TMEM167A: variants seen among roughly 807,000 people sequenced by gnomAD.
TMEM167A encodes the protein transmembrane protein 167A.
A neutral mutation model predicts 11.6 loss-of-function variants in TMEM167A; 8 were observed. The ratio of observed to expected loss-of-function variants is 0.69; its 90% CI spans 0.40 to 1.24. The LOEUF (loss-of-function observed/expected upper bound fraction) is 1.24. Ranked by LOEUF, TMEM167A falls within the 50% of genes most tolerant of loss-of-function variation. The pLI is 0.01. For missense variants in TMEM167A, 62 were observed against 87.0 expected (o/e 0.71, Z 1.14); for synonymous variants, 22 against 28.0 (o/e 0.79, Z 0.67).
At position 83,054,035 on chromosome 5, in the gene TMEM167A, C is replaced by A. The variant is rs1415940659; in HGVS notation, c.*3049G>T. ...GCTAACTCTTTTTCACAAAACCAGG[C>A]AGAGATCTGCTCATTTTTACTCTGT... On this transcript the variant is annotated 3_prime_UTR_variant, in exon 4 of 4. Coordinates refer to ENST00000502346, the MANE Select transcript of TMEM167A (RefSeq NM_174909.5). 69 of 152,096 alleles carry A rather than the reference C, an allele frequency of 4.5e-4. No homozygotes were observed. Among genetic ancestry groups the A allele is most frequent in the Non-Finnish European group, 1.0e-4 (7 of 67,922 alleles). The allele number at this position is 152,096 out of a possible 1,614,324, so 9.4% of individuals were successfully genotyped here.
intron 3 of TMEM167A, among the ~76,000 whole-genome samples, chr5:83,061,514 TC>T (rs376666762): frequency 6.6e-6 from 1 of 152,240 alleles, no homozygotes; most frequent in Non-Finnish European, 1.5e-5. Flanking sequence ...GTTCAAGAGA[TC>T]CTTCTGCCTC....
rs767592839 is a variant in TMEM167A, at chr5:83,073,630, G to C, written c.3+3691C>G. Among the ~76,000 whole-genome samples, 18 of 152,186 alleles carry C rather than the reference G, an allele frequency of 1.2e-4. 1 individual carries two copies. The highest frequency in any genetic ancestry group is 7.4e-5 in the Non-Finnish European group (5 of 68,026). On this transcript the variant is annotated intron_variant, in intron 1 of 3. Transcript: ENST00000502346. ...CATTCCAGTGCAGAGCACTCAAACT[G>C]GGAGAGTGTAGACACCTCAACAAAC...
At chr5:83,074,847 C>T (rs575438425) in intron 1 of TMEM167A, among the ~76,000 whole-genome samples, 10 of 152,094 alleles carry the variant, frequency 6.6e-5, no homozygotes, top group South Asian at 2.1e-4. Flanking sequence ...CTCGACACAC[C>T]GCAACCTCCA....
rs1400044417 is a variant in TMEM167A, at chr5:83,065,509, T to C, written c.4-392A>G. ...GGAGAAAGAAAGCAAGCACCTGTAC[T>C]TTCACTGTTGGATTTTTAAAAGTTA... On this transcript the variant is annotated intron_variant, in intron 1 of 3. Transcript: ENST00000502346. 3.9e-5 allele frequency among the ~76,000 whole-genome samples: 6 copies of C among 152,286 alleles called. No homozygotes were observed. The East Asian group carries it at 1.2e-3, about 29-fold the overall frequency.
At chr5:83,072,813 G>C (rs536714451) in intron 1 of TMEM167A, among the ~76,000 whole-genome samples, 1 of 152,134 alleles carries the variant, frequency 6.6e-6, no homozygotes, top group Non-Finnish European at 1.5e-5. Flanking sequence ...AGCTTTGCTA[G>C]AGAAGATCAG....
intron 1 of TMEM167A, among the ~76,000 whole-genome samples, 160 bp from the exon 2 acceptor site, chr5:83,065,277 T>G (rs887927845): frequency 6.6e-6 from 1 of 152,192 alleles, no homozygotes; most frequent in Non-Finnish European, 1.5e-5. Context: ...TGAGGTCTTC[T>G]ACAGTCTTCA....
At chr5:83,071,924 T>C (rs1744567963) in intron 1 of TMEM167A, among the ~76,000 whole-genome samples, 1 of 152,226 alleles carries the variant, frequency 6.6e-6, no homozygotes. Context: ...GTCAGTTTCA[T>C]TTCATTTGTA....
rs1196081623 is a variant in TMEM167A, at chr5:83,052,882, A to G, written c.*4202T>C. ...TCTTGACTTTTATTACACACTAGAC[A>G]TATATGAACTAATCAGAGATGTGCA... On this transcript the variant is annotated 3_prime_UTR_variant, in exon 4 of 4. Transcript: ENST00000502346. 1.3e-5 allele frequency: 2 copies of G among 151,950 alleles called. No homozygotes were observed. The highest frequency in any genetic ancestry group is 2.4e-5 in the African/African-American group (1 of 41,406). The allele number at this position is 151,950 out of a possible 1,614,324, so 9.4% of individuals were successfully genotyped here. A position where few individuals can be genotyped will look rare whatever the true frequency, so the allele number is the denominator to read the frequency against.
In TMEM167A at chr5:83,055,721, T is replaced by C. The variant is rs1248710052; in HGVS notation, c.*1363A>G. 1.3e-5 allele frequency: 2 copies of C among 151,988 alleles called. No individual in the cohort carries two copies. Among genetic ancestry groups the C allele is most frequent in the African/African-American group, 4.8e-5 (2 of 41,436 alleles). 9.4% of individuals were successfully genotyped at this position (151,988 alleles called of 1,614,324 possible). On this transcript the variant is annotated 3_prime_UTR_variant, in exon 4 of 4. Transcript: ENST00000502346. The stretch of plus-strand genomic sequence containing the variant: ...AGAATCCATTCCAAGTGGTTTAAAT[T>C]AGTCTAAAATAAAAATAGGTGGCTT...
chr5:83,055,238 G>A lies in TMEM167A; in HGVS notation c.*1846C>T, dbSNP rs1379897228. On this transcript the variant is annotated 3_prime_UTR_variant, in exon 4 of 4. Coordinates refer to ENST00000502346, the MANE Select transcript of TMEM167A (RefSeq NM_174909.5). ...TACCTCCTCTGAGATGCCAAATTAA[G>A]AAATGTCTTAGAATATCTAGAATAT... 1 of 151,898 alleles carries A rather than the reference G, an allele frequency of 6.6e-6. No individual in the cohort carries two copies. The highest frequency in any genetic ancestry group is 1.5e-5 in the Non-Finnish European group (1 of 67,934). 9.4% of individuals were successfully genotyped at this position (151,898 alleles called of 1,614,324 possible).
At chr5:83,073,629 T>C (rs1744595663) in intron 1 of TMEM167A, among the ~76,000 whole-genome samples, 1 of 152,210 alleles carries the variant, frequency 6.6e-6, no homozygotes, top group Admixed American at 6.5e-5. Flanking sequence ...GCACTCAAAC[T>C]GGGAGAGTGT....
At chr5:83,063,703 GCA>G (rs112611185) in intron 2 of TMEM167A, among the ~76,000 whole-genome samples, 12 of 149,584 alleles carry the variant, frequency 8.0e-5, no homozygotes, top group South Asian at 2.1e-4. Context: ...ACTTACACAT[GCA>G]CACACACACA....
intron 1 of TMEM167A, among the ~76,000 whole-genome samples, chr5:83,075,856 C>G (rs951581281): frequency 1.3e-5 from 2 of 152,152 alleles, no homozygotes; most frequent in African/African-American, 4.8e-5. Context: ...TACTGAGACA[C>G]TAATCCATTT....
intron 3 of TMEM167A, among the ~76,000 whole-genome samples, chr5:83,059,158 A>G (rs1744372365): frequency 6.8e-6 from 1 of 147,186 alleles, no homozygotes; most frequent in Non-Finnish European, 1.5e-5. Flanking sequence ...GAAATAATAA[A>G]TAACAAGCAA....
chr5:83,070,644 G>T (rs1193247183), intron 1 of TMEM167A, among the ~76,000 whole-genome samples: 1 of 152,006 alleles, frequency 6.6e-6, no homozygotes, highest in African/African-American at 2.4e-5. Flanking sequence ...GCTAAGGAAG[G>T]GGTCTAGACA....
At chr5:83,063,562 G>T (rs1049372075) in intron 2 of TMEM167A, among the ~76,000 whole-genome samples, 2 of 152,022 alleles carry the variant, frequency 1.3e-5, no homozygotes, top group Non-Finnish European at 2.9e-5. Flanking sequence ...GGTACAACAG[G>T]ATTAACATAT....
At position 83,056,542 on chromosome 5, in the gene TMEM167A, T is replaced by A. The variant is rs1289927458; in HGVS notation, c.*542A>T. The A allele has an allele frequency of 1.3e-5, 2 of 154,064 alleles. No homozygotes were observed. Among genetic ancestry groups the A allele is most frequent in the Non-Finnish European group, 2.9e-5 (2 of 69,494 alleles). 9.5% of individuals were successfully genotyped at this position (154,064 alleles called of 1,614,324 possible). On this transcript the variant is annotated 3_prime_UTR_variant, in exon 4 of 4. Transcript: ENST00000502346. The stretch of plus-strand genomic sequence containing the variant: ...AAGAACTGCATAAGCTTGTTTTAAA[T>A]ATTTTAAATACTTGTCATAAACTAG...
chr5:83,057,394 C>T (rs892068586), intron 3 of TMEM167A, among the ~76,000 whole-genome samples: 4 of 151,962 alleles, frequency 2.6e-5, no homozygotes, highest in African/African-American at 4.8e-5. Flanking sequence ...TAGAAAACCT[C>T]GAAAGCATCA....
intron 1 of TMEM167A, among the ~76,000 whole-genome samples, chr5:83,074,238 CTT>C (rs1461218710): frequency 6.6e-6 from 1 of 152,152 alleles, no homozygotes; most frequent in East Asian, 1.9e-4. Context: ...AACTTCATGC[CTT>C]TTGTTCCCAT....
Sources: gnomAD v4.1 joint callset for allele counts (sites outside exome capture counted in the v4.1 genomes callset) on GRCh38, gnomAD v4.1.1 for gene constraint, MANE v1.5 for transcripts, NCBI Gene and HGNC (gene_info 2026-07-23, HGNC 2026-07-21) for gene names.